UTP20: variants seen among roughly 807,000 people sequenced by gnomAD.
The protein encoded by UTP20 is UTP20 small subunit processome component.
Under a neutral mutation model 329.5 loss-of-function variants are expected in UTP20, and 164 were observed. The observed-to-expected ratio is 0.50, with a 90% CI of 0.44 to 0.57. The LOEUF (loss-of-function observed/expected upper bound fraction) is 0.57, where lower values mean the gene tolerates loss of function less well. Among genes scored for constraint, UTP20 ranks in the 20% least tolerant of loss-of-function variants. The pLI, the probability that UTP20 is intolerant of heterozygous loss-of-function variation, is 0.00. For synonymous variants in UTP20, 1,151 were observed against 1,159.3 expected (o/e 0.99, Z 0.14); for missense variants, 3,055 against 3,284.2 (o/e 0.93, Z 1.71).
chr12:101,347,528 A>G (rs539060910), intron 38 of UTP20, among the ~76,000 whole-genome samples: 2 of 152,328 alleles, frequency 1.3e-5, no homozygotes, highest in East Asian at 3.9e-4. Flanking sequence ...TTGAAAAAAA[A>G]AAGTTTAATG....
rs539975925 is a variant in UTP20, at chr12:101,334,987, T to G, written c.3641+483T>G. Among the ~76,000 whole-genome samples the G allele has an allele frequency of 2.6e-3, 393 of 150,074 alleles. 2 individuals carry two copies. The highest frequency in any genetic ancestry group is 9.3e-3 in the African/African-American group (380 of 40,994). On this transcript the variant is annotated intron_variant, in intron 29 of 61. Coordinates refer to ENST00000261637, the MANE Select transcript of UTP20 (RefSeq NM_014503.3). ...CCCTGTCTCAAAAAAAAAAAAAAGA[T>G]AAAAAGATAAATTGCTAGACAGTAT... is the stretch of plus-strand genomic sequence containing the variant.
In UTP20 at chr12:101,280,333, C is replaced by T; in HGVS notation, c.45+6C>T. The T allele has an allele frequency of 1.3e-6, 2 of 1,551,688 alleles. No individual in the cohort carries two copies. The highest frequency in any genetic ancestry group is 1.7e-6 in the Non-Finnish European group (2 of 1,146,976). ...AGACCGAGAACACCTACCGGGTGAG[C>T]GCGGGAGCTTAGGCAGGGAGCCGCG... On this transcript the variant is annotated splice_donor_region_variant and intron_variant, in intron 1 of 61. Coordinates refer to ENST00000261637, the MANE Select transcript of UTP20 (RefSeq NM_014503.3).
At position 101,290,598 on chromosome 12, in the gene UTP20, C is replaced by T. The variant is rs575015215; in HGVS notation, c.736-135C>T. 38 of 954,682 alleles carry T rather than the reference C, an allele frequency of 4.0e-5. No individual in the cohort carries two copies. The East Asian group carries it at 1.0e-3, about 25-fold the overall frequency. 59.1% of individuals were successfully genotyped at this position (954,682 alleles called of 1,614,324 possible). A position where few individuals can be genotyped will look rare whatever the true frequency, so the allele number is the denominator to read the frequency against. ...GTTCCTTTTGGGACACGTTATTAAC[C>T]ATCAAAGTTGCCATATCCTTGACTA... On this transcript the variant is annotated intron_variant, in intron 7 of 61. Coordinates refer to ENST00000261637, the MANE Select transcript of UTP20 (RefSeq NM_014503.3).
At position 101,312,304 on chromosome 12, in the gene UTP20, C is replaced by T; in HGVS notation, c.2552+28C>T. 2.5e-6 allele frequency: 4 copies of T among 1,608,836 alleles called. No homozygotes were observed. In the East Asian group the frequency reaches 6.7e-5, roughly 27 times the overall value. On this transcript the variant is annotated intron_variant, in intron 21 of 61. Transcript: ENST00000261637. ...AAGTTTCCTCTTCTAAGAATATGTC[C>T]CTGGTGGGGCATGAAGAAGAGAATG...
chr12:101,301,646 C>T (rs146576762), intron 14 of UTP20, among the ~76,000 whole-genome samples: 176 of 152,164 alleles, frequency 1.2e-3, no homozygotes, highest in Middle Eastern at 3.4e-3. Context: ...CCAGCCTGAG[C>T]GATGGAGCAA....
At chr12:101,306,100 C>T (rs377048626) in intron 16 of UTP20, 35 bp downstream of exon 16, 4 of 1,575,872 alleles carry the variant, frequency 2.5e-6, no homozygotes, top group South Asian at 2.3e-5. Context: ...TCCTCAGTCT[C>T]TCTTCTCCTG....
At chr12:101,366,518 C>A in intron 46 of UTP20, 40 bp from the exon 47 acceptor site, 1 of 1,577,650 alleles carries the variant, frequency 6.3e-7, no homozygotes, top group Non-Finnish European at 8.6e-7. Context: ...ATGCAGCTGA[C>A]AGTGTTCTTT....
In UTP20 at chr12:101,342,580, G is replaced by T. The variant is rs776020957; in HGVS notation, c.4236G>T (p.Thr1412=). The change falls in exon 33 of 62, where the codon ACG becomes ACT. Residue 1412 remains threonine, a synonymous_variant. Transcript: ENST00000261637. Reference sequence around the variant, plus strand: ...AATTGTCAAGAAAATTGCTTTGTACGGTTTTTGAGGTCTGTACTATTCATT... The same window carrying T: ...AATTGTCAAGAAAATTGCTTTGTACTGTTTTTGAGGTCTGTACTATTCATT... ...KNKLSRKLLC[T]VFETLSDFES... is the part of the protein sequence containing the mutation. 6 of 1,610,890 alleles carry T rather than the reference G, an allele frequency of 3.7e-6. No homozygotes were observed. Among genetic ancestry groups the T allele is most frequent in the Non-Finnish European group, 5.1e-6 (6 of 1,179,088 alleles).
chr12:101,377,261 A>G (rs932983117), intron 56 of UTP20, among the ~76,000 whole-genome samples: 2 of 152,208 alleles, frequency 1.3e-5, no homozygotes, highest in African/African-American at 4.8e-5. Context: ...AAACATGTCT[A>G]TGAAATATAG....
chr12:101,372,922 C>T lies in UTP20; in HGVS notation c.6837C>T (p.Asp2279=), dbSNP rs1177877414. 4 of 1,614,042 alleles carry T rather than the reference C, an allele frequency of 2.5e-6. No homozygotes were observed. The African/African-American group carries it at 5.3e-5, about 22-fold the overall frequency. ...ATATTCTTGACTATCCCCTGGGTGA[C>T]AAATTGAGACCAAACTTGGAATTCA... ...LKYILDYPLG[D]KLRPNLEFML... The change falls in exon 52 of 62, where the codon GAC becomes GAT. Residue 2279 remains aspartate, a synonymous_variant. Coordinates refer to ENST00000261637, the MANE Select transcript of UTP20 (RefSeq NM_014503.3).
At chr12:101,302,382 G>C (rs957893268) in intron 14 of UTP20, 66 bp from the exon 15 acceptor site, 9 of 910,690 alleles carry the variant, frequency 9.9e-6, no homozygotes, top group South Asian at 1.6e-5. Context: ...CAATAAATAA[G>C]GTGTTTGATA....
intron 11 of UTP20, 27 bp from the exon 12 acceptor site, chr12:101,295,453 G>A: frequency 1.3e-6 from 2 of 1,533,078 alleles, no homozygotes. Context: ...CTGTTAATAA[G>A]TGTGATTTTT....
chr12:101,320,980 AT>A, intron 24 of UTP20, 43 bp downstream of exon 24: 1 of 1,533,064 alleles, frequency 6.5e-7, no homozygotes, highest in African/African-American at 1.4e-5. Flanking sequence ...TCTTCAGCTG[AT>A]TTTTATATTT....
At position 101,383,202 on chromosome 12, in the gene UTP20, G is replaced by A. The variant is rs369612922; in HGVS notation, c.7818G>A (p.Lys2606=). ...AGGCGGAGTCTGACGGAGAAGAGAA[G>A]GAAGAGGTGAAGGAAGAGCTCGGCA... is the stretch of plus-strand genomic sequence containing the variant. ...DEKAESDGEE[K]EEVKEELGRP... The change falls in exon 59 of 62, where the codon AAG becomes AAA. Residue 2606 remains lysine (K), a synonymous_variant. Coordinates refer to ENST00000261637, the MANE Select transcript of UTP20 (RefSeq NM_014503.3). 1 of 1,614,134 alleles carries A rather than the reference G, an allele frequency of 6.2e-7. No individual in the cohort carries two copies. Among genetic ancestry groups the A allele is most frequent in the East Asian group, 2.2e-5 (1 of 44,884 alleles).
In UTP20 at chr12:101,285,752, A is replaced by G. The variant is rs887997462; in HGVS notation, c.197A>G (p.Lys66Arg). The change falls in exon 4 of 62, where the codon AAA becomes AGA. Residue 66 changes from lysine (K) to arginine (R), a missense_variant. Lys to Arg is a conservative substitution (Grantham distance 26). This residue lies in a region of UTP20 where 2,445 missense variants were observed against 2,575.5 expected (regional missense o/e 0.95). Coordinates refer to ENST00000261637, the MANE Select transcript of UTP20 (RefSeq NM_014503.3). ...RELNLTEHFG[K>R]FYKEVIDKCQ... is the part of the protein sequence containing the mutation. ...TATTTTTTTTTCCCCCACTCAGGAA[A>G]ATTTTACAAAGAAGTTATTGACAAA... 1 of 1,613,470 alleles carries G rather than the reference A, an allele frequency of 6.2e-7. No homozygotes were observed. The highest frequency in any genetic ancestry group is 2.2e-5 in the East Asian group (1 of 44,814).
intron 54 of UTP20, among the ~76,000 whole-genome samples, chr12:101,374,192 G>C (rs1020627678): frequency 6.7e-6 from 1 of 149,400 alleles, no homozygotes; most frequent in Admixed American, 6.7e-5. Context: ...CCGAGGTCCC[G>C]CCACTGCACT....
At position 101,290,966 on chromosome 12, in the gene UTP20, C is replaced by G. The variant is rs149980247; in HGVS notation, c.891+78C>G. The G allele has an allele frequency of 3.0e-5, 43 of 1,441,966 alleles. No individual in the cohort carries two copies. The East Asian group carries it at 9.0e-4, about 30-fold the overall frequency. The allele number at this position is 1,441,966 out of a possible 1,614,324, so 89.3% of individuals were successfully genotyped here. A position where few individuals can be genotyped will look rare whatever the true frequency, so the allele number is the denominator to read the frequency against. ...TGTTTCTGCTCTCAGTTTTGCAAAT[C>G]ACTCCTAGAAGTTATATTTTATAAT... On this transcript the variant is annotated intron_variant, in intron 8 of 61. Coordinates refer to ENST00000261637, the MANE Select transcript of UTP20 (RefSeq NM_014503.3).
Position 101,373,419 on chromosome 12 carries a change from G to C in UTP20, c.6897G>C (p.Gly2299=). The C allele has an allele frequency of 6.2e-7, 1 of 1,614,092 alleles. No individual in the cohort carries two copies. Among genetic ancestry groups the C allele is most frequent in the Middle Eastern group, 1.6e-4 (1 of 6,062 alleles). ...LAQLNYEHET[G]RESTLEMIAY... ...CCCCTAGTTACGAACATGAGACCGG[G>C]AGAGAGTCCACCTTGGAAATGATCG... is the stretch of plus-strand genomic sequence containing the variant. The change falls in exon 53 of 62, where the codon GGG becomes GGC. Residue 2299 remains glycine (G), a synonymous_variant. Coordinates refer to ENST00000261637, the MANE Select transcript of UTP20 (RefSeq NM_014503.3).
chr12:101,289,094 A>C, intron 6 of UTP20, 53 bp downstream of exon 6: 3 of 1,513,442 alleles, frequency 2.0e-6, no homozygotes, highest in Non-Finnish European at 2.7e-6. Flanking sequence ...TCTGATGAAT[A>C]GGCCAGGCGT....
Sources: gnomAD v4.1 joint callset for allele counts (sites outside exome capture counted in the v4.1 genomes callset) on GRCh38, gnomAD v4.1.1 for gene constraint, gnomAD v4.1.1 regional missense constraint, MANE v1.5 for transcripts, NCBI Gene and HGNC (gene_info 2026-07-23, HGNC 2026-07-21) for gene names.